CELF1: variants seen among roughly 807,000 people sequenced by gnomAD.
CELF1 encodes the protein CUGBP Elav-like family member 1.
In CELF1, 10 loss-of-function variants were observed where a neutral mutation model predicts 61.8. That is an observed-to-expected ratio of 0.16 (90% confidence interval 0.10 to 0.27). The LOEUF (loss-of-function observed/expected upper bound fraction) is 0.27. Ranked by LOEUF, CELF1 falls within the 10% of genes least tolerant of loss-of-function variation. The probability of loss-of-function intolerance (pLI) is 1.00; values close to 1 mark genes in which losing one functional copy is unlikely to be tolerated. For missense variants in CELF1, 380 were observed against 639.1 expected (o/e 0.59, Z 4.37); for synonymous variants, 236 against 225.1 (o/e 1.05, Z -0.43).
At chr11:47,530,735 G>T (rs1001107539) in intron 1 of CELF1, among the ~76,000 whole-genome samples, 1 of 151,886 alleles carries the variant, frequency 6.6e-6, no homozygotes, top group East Asian at 1.9e-4. Context: ...CAGGAAGATT[G>T]CTTGAGACCA....
At chr11:47,533,089 A>G (rs2096530007) in intron 1 of CELF1, among the ~76,000 whole-genome samples, 3 of 151,162 alleles carry the variant, frequency 2.0e-5, no homozygotes, top group Admixed American at 2.0e-4. Flanking sequence ...TTTCTATCAC[A>G]GTATTTTTTT....
intron 5 of CELF1, 23 bp downstream of exon 5, chr11:47,487,136 T>C: frequency 1.3e-6 from 2 of 1,569,640 alleles, no homozygotes; most frequent in Non-Finnish European, 1.7e-6. Context: ...CACATTTCCA[T>C]TTACTAGTGG....
intron 9 of CELF1, among the ~76,000 whole-genome samples, chr11:47,480,934 TG>T (rs967645783): frequency 6.6e-6 from 1 of 151,934 alleles, no homozygotes; most frequent in African/African-American, 2.4e-5. Flanking sequence ...TGCTTGCAGT[TG>T]GAGGTTGCAG....
intron 1 of CELF1, among the ~76,000 whole-genome samples, chr11:47,520,209 T>C (rs756268527): frequency 7.9e-5 from 12 of 152,196 alleles, no homozygotes; most frequent in Non-Finnish European, 1.6e-4. Flanking sequence ...AGGGAAAATG[T>C]TACCATAAAT....
At chr11:47,525,209 G>A (rs753694075) in intron 1 of CELF1, among the ~76,000 whole-genome samples, 1 of 152,038 alleles carries the variant, frequency 6.6e-6, no homozygotes, top group South Asian at 2.1e-4. Context: ...TTATTTTATG[G>A]TTGATACAAG....
chr11:47,473,794 G>A (rs1235016087), intron 13 of CELF1, among the ~76,000 whole-genome samples: 1 of 152,210 alleles, frequency 6.6e-6, no homozygotes, highest in East Asian at 1.9e-4. Flanking sequence ...TTCATCATAT[G>A]TAAATGGGAA....
chr11:47,526,346 C>A (rs537130970), intron 1 of CELF1, among the ~76,000 whole-genome samples: 2 of 152,152 alleles, frequency 1.3e-5, no homozygotes, highest in South Asian at 4.1e-4. Flanking sequence ...AAGGCACCTG[C>A]GATATCTTAA....
At chr11:47,510,067 A>G (rs1459126281) in intron 1 of CELF1, among the ~76,000 whole-genome samples, 31 of 151,936 alleles carry the variant, frequency 2.0e-4, no homozygotes, top group Non-Finnish European at 1.5e-5. Context: ...GTCTCAAAAA[A>G]GAAAAAAAAA....
intron 3 of CELF1, among the ~76,000 whole-genome samples, chr11:47,489,935 G>GTTTTTT (rs561900704): frequency 0.017 from 813 of 48,186 alleles, 235 homozygotes; most frequent in African/African-American, 0.03. Context: ...ATACCATCTT[G>GTTTTTT]TTTTTTTTTT....
rs551811122 is a variant in CELF1, at chr11:47,529,596, T to C, written c.-154+23396A>G. Among the ~76,000 whole-genome samples, 9 of 151,520 alleles carry C rather than the reference T, an allele frequency of 5.9e-5. No homozygotes were observed. The South Asian group carries it at 6.3e-4, about 11-fold the overall frequency. Reference sequence around the variant, plus strand: ...ATCATTTGAACCCAGGAAGTGGAGGTTGTAGTGAGCCGAGATCCTGTCACT... The same window carrying C: ...ATCATTTGAACCCAGGAAGTGGAGGCTGTAGTGAGCCGAGATCCTGTCACT... On this transcript the variant is annotated intron_variant, in intron 1 of 14. Transcript: ENST00000687097.
At chr11:47,551,933 G>A (rs1019662765) in intron 1 of CELF1, among the ~76,000 whole-genome samples, 1 of 151,382 alleles carries the variant, frequency 6.6e-6, no homozygotes, top group Non-Finnish European at 1.5e-5. Flanking sequence ...CAGGAGAATT[G>A]CTTGAACCTG....
At chr11:47,488,726 G>T (rs935782376) in intron 4 of CELF1, 111 bp downstream of exon 4, 1 of 779,470 alleles carries the variant, frequency 1.3e-6, no homozygotes, top group Non-Finnish European at 1.9e-6. Flanking sequence ...GCACATGAAA[G>T]AAATTACATA....
intron 1 of CELF1, among the ~76,000 whole-genome samples, chr11:47,532,794 C>A (rs1199123391): frequency 6.6e-6 from 1 of 152,166 alleles, no homozygotes; most frequent in Non-Finnish European, 1.5e-5. Flanking sequence ...GGCCACCCAC[C>A]ACCTTCCCAC....
At position 47,468,779 on chromosome 11, in the gene CELF1, G is replaced by A. The variant is rs552684504; in HGVS notation, c.*3451C>T. The A allele has an allele frequency of 5.2e-5, 8 of 152,660 alleles. No homozygotes were observed. The East Asian group carries it at 1.5e-3, about 29-fold the overall frequency. The allele number at this position is 152,660 out of a possible 1,614,324, so 9.5% of individuals were successfully genotyped here. Reference sequence around the variant, plus strand: ...ACATCAGCATCAAAGGTCAACACAAGGTCAAAGGTGAGAGTTCAAGCATCA... The same window carrying A: ...ACATCAGCATCAAAGGTCAACACAAAGTCAAAGGTGAGAGTTCAAGCATCA... On this transcript the variant is annotated 3_prime_UTR_variant, in exon 15 of 15. Coordinates refer to ENST00000687097, the MANE Select transcript of CELF1 (RefSeq NM_001376376.1).
At chr11:47,525,936 C>T (rs1362789395) in intron 1 of CELF1, among the ~76,000 whole-genome samples, 2 of 18,746 alleles carry the variant, frequency 1.1e-4, no homozygotes, top group African/African-American at 1.5e-4. Context: ...AACAAAAAAA[C>T]AAACAAAAAA....
intron 2 of CELF1, among the ~76,000 whole-genome samples, chr11:47,563,435 C>T (rs2097232948): frequency 6.6e-6 from 1 of 152,060 alleles, no homozygotes; most frequent in Non-Finnish European, 1.5e-5. Flanking sequence ...CCTGTAATCC[C>T]AGCACTTTGG....
At chr11:47,560,020 C>T (rs1234760901) in intron 2 of CELF1, among the ~76,000 whole-genome samples, 1 of 148,286 alleles carries the variant, frequency 6.7e-6, no homozygotes, top group Non-Finnish European at 1.5e-5. Flanking sequence ...AAAAAAAAAG[C>T]CAGACGTTGT....
At chr11:47,519,097 T>C (rs180848976) in intron 1 of CELF1, among the ~76,000 whole-genome samples, 54 of 152,352 alleles carry the variant, frequency 3.5e-4, no homozygotes, top group African/African-American at 1.2e-3. Flanking sequence ...ATTTTGTACC[T>C]CTGCTTCAGC....
In CELF1 at chr11:47,536,120, G is replaced by C. The variant is rs1048216786; in HGVS notation, c.-154+16872C>G. On this transcript the variant is annotated intron_variant, in intron 1 of 14. Coordinates refer to ENST00000687097, the MANE Select transcript of CELF1 (RefSeq NM_001376376.1). ...ATGGTGGCTCAAGCCTGCAATCCCA[G>C]CACTTTGGGAGGCTGAGGCAGGTGA... 2.6e-5 allele frequency among the ~76,000 whole-genome samples: 4 copies of C among 152,176 alleles called. No individual in the cohort carries two copies. In the East Asian group the frequency reaches 7.7e-4, roughly 29 times the overall value.
Sources: allele counts gnomAD v4.1 joint callset (sites outside exome capture counted in the v4.1 genomes callset), GRCh38; gene constraint gnomAD v4.1.1; transcripts MANE v1.5; gene names NCBI Gene and HGNC (gene_info 2026-07-23, HGNC 2026-07-21).